Variants in CCNY observed in about 807,000 individuals in gnomAD.
CCNY encodes cyclin-Y.
Under a neutral mutation model 42.8 loss-of-function variants are expected in CCNY, and 19 were observed. The ratio of observed to expected loss-of-function variants is 0.44; its 90% confidence interval spans 0.31 to 0.65. The LOEUF (loss-of-function observed/expected upper bound fraction) is 0.65, where lower values mean the gene tolerates loss of function less well. Among genes scored for constraint, CCNY ranks in the 30% least tolerant of loss-of-function variants. The pLI is 0.07. For synonymous variants in CCNY, 165 were observed against 162.7 expected (o/e 1.01, Z -0.11); for missense variants, 370 against 437.3 (o/e 0.85, Z 1.37).
chr10:35,392,230 T>A (rs1380980745), intron 1 of CCNY, among the ~76,000 whole-genome samples: 2 of 152,174 alleles, frequency 1.3e-5, no homozygotes, highest in Non-Finnish European at 2.9e-5. Context: ...TAGTTTTGAG[T>A]CTGTGGAGTT....
Position 35,506,730 on chromosome 10 carries a change from A to G in CCNY, c.264+5195A>G, listed in dbSNP as rs551868779. Among the ~76,000 whole-genome samples, 31 of 151,646 alleles carry G rather than the reference A, an allele frequency of 2.0e-4. No homozygotes were observed. In the South Asian group the frequency reaches 5.6e-3, roughly 27 times the overall value. On this transcript the variant is annotated intron_variant, in intron 3 of 9. Coordinates refer to ENST00000374704, the MANE Select transcript of CCNY (RefSeq NM_145012.6). ...AGCTACATTGTCCTTGTTAAGACAC[A>G]CAAGTGACGGGGCCACTGAGCTGTT... is the stretch of plus-strand genomic sequence containing the variant.
chr10:35,274,492 G>A (rs1589011597), intron 3 of CCNY, among the ~76,000 whole-genome samples: 1 of 152,134 alleles, frequency 6.6e-6, no homozygotes, highest in Non-Finnish European at 1.5e-5. Flanking sequence ...GATGTCACAG[G>A]CTCCTAAACC....
chr10:35,463,561 A>G (rs1839198888), intron 1 of CCNY, among the ~76,000 whole-genome samples: 1 of 152,230 alleles, frequency 6.6e-6, no homozygotes, highest in South Asian at 2.1e-4. Flanking sequence ...TAAAAGGAAA[A>G]AGAGTCAATG....
At chr10:35,392,554 G>A (rs1441622817) in intron 1 of CCNY, among the ~76,000 whole-genome samples, 1 of 152,246 alleles carries the variant, frequency 6.6e-6, no homozygotes. Flanking sequence ...ATCTTGAAGG[G>A]AGTAAGGATT....
chr10:35,270,616 A>G (rs1247434525), intron 3 of CCNY, among the ~76,000 whole-genome samples: 3 of 152,122 alleles, frequency 2.0e-5, no homozygotes, highest in Admixed American at 2.0e-4. Context: ...CCCAGAGTCC[A>G]CAACAACACC....
intron 1 of CCNY, among the ~76,000 whole-genome samples, chr10:35,474,930 A>C (rs1415773667): frequency 2.6e-5 from 4 of 151,466 alleles, no homozygotes; most frequent in Non-Finnish European, 5.9e-5. Context: ...AACTAGAATA[A>C]CCAATACAGA....
chr10:35,504,837 A>C (rs143941389), intron 3 of CCNY, among the ~76,000 whole-genome samples: 1 of 152,046 alleles, frequency 6.6e-6, no homozygotes, highest in Non-Finnish European at 1.5e-5. Context: ...GGAATTAGCT[A>C]TGTTGGCCAG....
At chr10:35,283,479 C>T (rs1835319828) in intron 3 of CCNY, among the ~76,000 whole-genome samples, 1 of 151,898 alleles carries the variant, frequency 6.6e-6, no homozygotes, top group Non-Finnish European at 1.5e-5. Flanking sequence ...TGGCTCACTG[C>T]AACCACCTCT....
chr10:35,256,761 A>T (rs1479445069), intron 3 of CCNY, among the ~76,000 whole-genome samples: 1 of 151,436 alleles, frequency 6.6e-6, no homozygotes, highest in Non-Finnish European at 1.5e-5. Context: ...AAAAAAAAAA[A>T]ATTCCACTCC....
chr10:35,570,673 C>G lies in CCNY; in HGVS notation c.*1503C>G, dbSNP rs1194302178. The G allele has an allele frequency of 6.6e-6, 1 of 152,318 alleles. No individual in the cohort carries two copies. Among genetic ancestry groups the G allele is most frequent in the Admixed American group, 6.5e-5 (1 of 15,282 alleles). 9.4% of individuals were successfully genotyped at this position (152,318 alleles called of 1,614,324 possible). On this transcript the variant is annotated 3_prime_UTR_variant, in exon 10 of 10. Coordinates refer to ENST00000374704, the MANE Select transcript of CCNY (RefSeq NM_145012.6). Reference sequence around the variant, plus strand: ...TGGCAGCAGCAGGTCTGTGTTTCACCTTCTTCCCATGTGAGCTTGGAAAAC... The same window carrying G: ...TGGCAGCAGCAGGTCTGTGTTTCACGTTCTTCCCATGTGAGCTTGGAAAAC...
intron 4 of CCNY, among the ~76,000 whole-genome samples, chr10:35,525,075 C>T (rs1254478572): frequency 1.3e-5 from 2 of 151,984 alleles, no homozygotes; most frequent in Admixed American, 1.3e-4. Flanking sequence ...TAGAAACAAC[C>T]TAAATGTTCA....
chr10:35,382,639 C>T (rs1267540502), intron 1 of CCNY, among the ~76,000 whole-genome samples: 6 of 152,144 alleles, frequency 3.9e-5, no homozygotes, highest in Non-Finnish European at 8.8e-5. Context: ...AGCCCCTCTA[C>T]CCCTCCAGTA....
chr10:35,427,574 T>G (rs932738660), intron 1 of CCNY, among the ~76,000 whole-genome samples: 2 of 152,236 alleles, frequency 1.3e-5, no homozygotes, highest in African/African-American at 4.8e-5. Flanking sequence ...TCCATAAATA[T>G]GAATGAATAT....
chr10:35,286,551 G>T (rs572208588), intron 3 of CCNY, among the ~76,000 whole-genome samples: 1 of 150,656 alleles, frequency 6.6e-6, no homozygotes, highest in Non-Finnish European at 1.5e-5. Context: ...TAGAGACAGG[G>T]TTTCGCCATG....
rs1198031312 is a variant in CCNY at position 35,337,740 on chromosome 10, T to TA, written c.154+539dup. On this transcript the variant is annotated intron_variant, in intron 1 of 9. Transcript: ENST00000374704. ...CCCGTTCCCATTCTACCGTTTTTTT[T>TA]AAAAAATGATTTTTTTGAGTGGCGG... Among the ~76,000 whole-genome samples the TA allele has an allele frequency of 3.5e-5, 5 of 143,104 alleles. No homozygotes were observed. In the East Asian group the frequency reaches 8.3e-4, roughly 24 times the overall value. 93.9% of individuals were successfully genotyped at this position (143,104 alleles called of 152,430 possible). A position where few individuals can be genotyped will look rare whatever the true frequency, so the allele number is the denominator to read the frequency against.
chr10:35,327,947 C>T (rs116686884), intron 3 of CCNY, among the ~76,000 whole-genome samples: 38 of 152,288 alleles, frequency 2.5e-4, no homozygotes, highest in Non-Finnish European at 2.5e-4. Context: ...AGTGAAGGAA[C>T]GAGGCTTACA....
Position 35,569,238 on chromosome 10 carries a change from G to C in CCNY, c.*68G>C, listed in dbSNP as rs184656896. 970 of 999,832 alleles carry C rather than the reference G, an allele frequency of 9.7e-4. 16 individuals carry two copies. The East Asian group carries it at 0.018, about 18-fold the overall frequency. The allele number at this position is 999,832 out of a possible 1,614,324, so 61.9% of individuals were successfully genotyped here. Reference sequence around the variant, plus strand: ...CTTTAGTTTGAGAAAAGACAGACTTGGGGTGGGTTTGTTTTTGTTTTTTCT... The same window carrying C: ...CTTTAGTTTGAGAAAAGACAGACTTCGGGTGGGTTTGTTTTTGTTTTTTCT... On this transcript the variant is annotated 3_prime_UTR_variant, in exon 10 of 10. Coordinates refer to ENST00000374704, the MANE Select transcript of CCNY (RefSeq NM_145012.6).
intron 1 of CCNY, 136 bp from the exon 2 acceptor site, chr10:35,483,268 A>G: frequency 1.6e-6 from 1 of 640,832 alleles, no homozygotes; most frequent in Non-Finnish European, 2.8e-6. Flanking sequence ...AAAAGAATCT[A>G]TTAACATAAT....
chr10:35,455,615 T>C (rs1019668300), intron 1 of CCNY, among the ~76,000 whole-genome samples: 5 of 152,008 alleles, frequency 3.3e-5, no homozygotes, highest in African/African-American at 1.2e-4. Context: ...TGACCGAACA[T>C]TCATAAGGCT....
Sources: gnomAD v4.1 joint callset for allele counts (sites outside exome capture counted in the v4.1 genomes callset) on GRCh38, gnomAD v4.1.1 for gene constraint, MANE v1.5 for transcripts, NCBI Gene and HGNC (gene_info 2026-07-23, HGNC 2026-07-21) for gene names.